Variants in FAM168A observed in about 807,000 individuals in gnomAD.
FAM168A encodes protein FAM168A.
FAM168A carries 3 observed loss-of-function variants against 28.5 expected under a neutral mutation model. The ratio of observed to expected loss-of-function variants is 0.11; its 90% confidence interval spans 0.05 to 0.27. The LOEUF is 0.27. Among genes scored for constraint, FAM168A ranks in the 10% least tolerant of loss-of-function variants. The pLI, the probability that FAM168A is intolerant of heterozygous loss-of-function variation, is 1.00. For missense variants in FAM168A, 222 were observed against 311.5 expected, an observed-to-expected ratio of 0.71 and a Z score of 2.16; for synonymous variants, 122 against 124.2, an observed-to-expected ratio of 0.98 and a Z score of 0.12.
At chr11:73,421,030 C>T (rs1043183479) in intron 3 of FAM168A, 4 of 140,294 alleles carry the variant, frequency 2.9e-5, no homozygotes, top group Admixed American at 7.5e-5. Flanking sequence ...TATGGTAAAA[C>T]GAAGAATTTT....
chr11:73,594,809 G>A (rs993760725), intron 1 of FAM168A, among the ~76,000 whole-genome samples: 3 of 152,162 alleles, frequency 2.0e-5, no homozygotes, highest in Admixed American at 6.5e-5. Context: ...GACTACTGGC[G>A]TGAGCCACCA....
At chr11:73,424,918 C>T in intron 3 of FAM168A, 1 of 976,234 alleles carries the variant, frequency 1.0e-6, no homozygotes, top group Non-Finnish European at 1.5e-6. Context: ...GGAGCCCAAG[C>T]CTAGGGGATG....
chr11:73,457,770 G>GA (rs57333728), intron 2 of FAM168A, among the ~76,000 whole-genome samples: 41,976 of 106,828 alleles, frequency 0.39, 8,447 homozygotes, highest in African/African-American at 0.63. Flanking sequence ...AGAAAGAAAA[G>GA]AAAAAAAAGG....
chr11:73,430,343 T>C (rs919778503), intron 3 of FAM168A: 6 of 316,424 alleles, frequency 1.9e-5, no homozygotes, highest in Admixed American at 4.5e-5. Flanking sequence ...CCAAGGTGTG[T>C]GTGTGTCCCA....
chr11:73,577,553 T>C (rs1944191000), intron 1 of FAM168A, among the ~76,000 whole-genome samples: 1 of 152,240 alleles, frequency 6.6e-6, no homozygotes, highest in African/African-American at 2.4e-5. Context: ...AGGATGCAGA[T>C]GAACTATAAC....
chr11:73,562,030 C>T (rs1306959002), intron 1 of FAM168A, among the ~76,000 whole-genome samples: 3 of 152,136 alleles, frequency 2.0e-5, no homozygotes, highest in Admixed American at 6.5e-5. Context: ...GCAACCTCCA[C>T]CTCCCAGGTT....
At chr11:73,524,554 T>G (rs76919974) in intron 1 of FAM168A, among the ~76,000 whole-genome samples, 3,132 of 152,204 alleles carry the variant, frequency 0.021, 115 homozygotes, top group African/African-American at 0.072. Flanking sequence ...TCATTCTACC[T>G]TATTTTTGAT....
chr11:73,585,068 G>C (rs1198823734), intron 1 of FAM168A, among the ~76,000 whole-genome samples: 2 of 151,890 alleles, frequency 1.3e-5, no homozygotes, highest in Non-Finnish European at 2.9e-5. Context: ...TTTGATCTCT[G>C]TTGCAAGAAG....
At chr11:73,439,388 C>T (rs1867152288) in intron 2 of FAM168A, among the ~76,000 whole-genome samples, 2 of 152,136 alleles carry the variant, frequency 1.3e-5, no homozygotes, top group African/African-American at 4.8e-5. Context: ...GGTTAAAGGC[C>T]AGCAACCTCT....
At chr11:73,496,873 TCA>T (rs71065011) in intron 1 of FAM168A, among the ~76,000 whole-genome samples, 9,556 of 139,848 alleles carry the variant, frequency 0.068, 423 homozygotes, top group African/African-American at 0.13. Flanking sequence ...TATGTTCTTA[TCA>T]CACACACACA....
chr11:73,480,823 G>A (rs1867958008), intron 1 of FAM168A, among the ~76,000 whole-genome samples: 1 of 152,176 alleles, frequency 6.6e-6, no homozygotes, highest in Non-Finnish European at 1.5e-5. Context: ...ACCAAGTCCA[G>A]TGTTCTTTCT....
rs544525397 is a variant in FAM168A at position 73,541,162 on chromosome 11, A to G, written c.-19+56761T>C. Among the ~76,000 whole-genome samples the G allele has an allele frequency of 6.6e-5, 10 of 152,028 alleles. No individual in the cohort carries two copies. The South Asian group carries it at 1.7e-3, about 25-fold the overall frequency. ...GGAGGTTGCAGTGAGCCAAGAATGC[A>G]TTACCGCACTCCAGCCTGGGTGACA... On this transcript the variant is annotated intron_variant, in intron 1 of 7. Coordinates refer to ENST00000356467, the MANE Select transcript of FAM168A (RefSeq NM_015159.3).
At chr11:73,590,883 C>T (rs1323247736) in intron 1 of FAM168A, among the ~76,000 whole-genome samples, 1 of 152,168 alleles carries the variant, frequency 6.6e-6, no homozygotes, top group African/African-American at 2.4e-5. Flanking sequence ...AGGCTCACGC[C>T]TGTAATCCCA....
intron 1 of FAM168A, among the ~76,000 whole-genome samples, chr11:73,581,174 T>C (rs1486628299): frequency 6.6e-6 from 1 of 152,234 alleles, no homozygotes; most frequent in Non-Finnish European, 1.5e-5. Context: ...AAGACTTCAT[T>C]GGGTTTTATA....
intron 1 of FAM168A, among the ~76,000 whole-genome samples, chr11:73,526,660 G>A (rs1158654249): frequency 6.6e-6 from 1 of 152,038 alleles, no homozygotes; most frequent in Non-Finnish European, 1.5e-5. Context: ...GAAAACCGGT[G>A]AATATTCTTG....
In FAM168A at chr11:73,491,331, C is replaced by G. The variant is rs376844568; in HGVS notation, c.-18-22839G>C. ...ATGTTTGGTCATCCATGGTGGAAGC[C>G]TGCATGTCTGCATAATACTAACAAC... On this transcript the variant is annotated intron_variant, in intron 1 of 7. Transcript: ENST00000356467. Among the ~76,000 whole-genome samples the G allele has an allele frequency of 2.0e-5, 3 of 152,160 alleles. No homozygotes were observed. The East Asian group carries it at 5.8e-4, about 29-fold the overall frequency.
chr11:73,425,135 T>G, intron 3 of FAM168A: 1 of 936,416 alleles, frequency 1.1e-6, no homozygotes, highest in Non-Finnish European at 1.5e-6. Context: ...GACTTTGTTT[T>G]GCAATAGCAG....
At chr11:73,442,430 CTT>C (rs1867214412) in intron 2 of FAM168A, among the ~76,000 whole-genome samples, 1 of 152,058 alleles carries the variant, frequency 6.6e-6, no homozygotes, top group Non-Finnish European at 1.5e-5. Context: ...CCGGCCTCTT[CTT>C]TTTTAATGTA....
At chr11:73,465,813 T>C (rs1867725924) in intron 2 of FAM168A, among the ~76,000 whole-genome samples, 1 of 152,210 alleles carries the variant, frequency 6.6e-6, no homozygotes, top group Non-Finnish European at 1.5e-5. Flanking sequence ...TATGGCATAT[T>C]ACATTCTCTA....
Sources: gnomAD v4.1 joint callset for allele counts (sites outside exome capture counted in the v4.1 genomes callset) on GRCh38, gnomAD v4.1.1 for gene constraint, MANE v1.5 for transcripts, NCBI Gene and HGNC (gene_info 2026-07-23, HGNC 2026-07-21) for gene names.